The following CCDC60 variants were observed in gnomAD, a reference collection of about 807,000 sequenced individuals.
CCDC60 encodes the protein coiled-coil domain-containing protein 60.
In CCDC60, 54 loss-of-function variants were observed where a neutral mutation model predicts 63.5. The observed-to-expected ratio is 0.85, with a 90% CI of 0.68 to 1.07. The LOEUF is 1.07. CCDC60 is among the 50% of genes least tolerant of loss of function. CCDC60 has a pLI of 0.00. For missense variants in CCDC60, 651 were observed against 684.3 expected, an observed-to-expected ratio of 0.95 and a Z score of 0.54; for synonymous variants, 206 against 238.8, an observed-to-expected ratio of 0.86 and a Z score of 1.27.
chr12:119,471,842 T>C (rs887855630), intron 2 of CCDC60, 152 bp from the exon 3 acceptor site: 4 of 509,442 alleles, frequency 7.9e-6, no homozygotes, highest in African/African-American at 5.8e-5. Context: ...CTCACTCTCT[T>C]TCTCTATTTC....
intron 1 of CCDC60, among the ~76,000 whole-genome samples, chr12:119,416,121 C>T (rs376406739): frequency 1.3e-5 from 2 of 152,138 alleles, no homozygotes; most frequent in East Asian, 3.8e-4. Context: ...GTGGTTCACG[C>T]CTGTAATCCC....
At chr12:119,442,149 G>A (rs1000240266) in intron 2 of CCDC60, among the ~76,000 whole-genome samples, 15 of 152,034 alleles carry the variant, frequency 9.9e-5, no homozygotes, top group African/African-American at 2.4e-4. Context: ...ATGGATCCAC[G>A]TGTATTTTTT....
At chr12:119,338,986 C>T (rs1955503835) in intron 1 of CCDC60, among the ~76,000 whole-genome samples, 1 of 152,158 alleles carries the variant, frequency 6.6e-6, no homozygotes, top group Admixed American at 6.5e-5. Context: ...CTTGTACAGG[C>T]TCTTCATGGT....
At chr12:119,531,975 G>A (rs1952854860) in intron 13 of CCDC60, among the ~76,000 whole-genome samples, 1 of 152,188 alleles carries the variant, frequency 6.6e-6, no homozygotes, top group African/African-American at 2.4e-5. Flanking sequence ...GTAAAGAAGT[G>A]ACTCAAAAGG....
chr12:119,396,086 C>T (rs1956248767), intron 1 of CCDC60, among the ~76,000 whole-genome samples: 1 of 152,026 alleles, frequency 6.6e-6, no homozygotes, highest in African/African-American at 2.4e-5. Context: ...TACAGGCGCC[C>T]ACCACCTCGC....
chr12:119,499,524 T>G (rs1466853799), intron 5 of CCDC60, among the ~76,000 whole-genome samples: 1 of 152,146 alleles, frequency 6.6e-6, no homozygotes, highest in Non-Finnish European at 1.5e-5. Flanking sequence ...TTATAGTGAT[T>G]GAGATGATAC....
At position 119,346,886 on chromosome 12, in the gene CCDC60, G is replaced by C. The variant is rs926753523; in HGVS notation, c.90+11620G>C. Reference sequence around the variant, plus strand: ...GTCACCGAGGCTGGAGAGCAATGGCGTGATCTGGGCTCACTGCAGCCTCTG... The same window carrying C: ...GTCACCGAGGCTGGAGAGCAATGGCCTGATCTGGGCTCACTGCAGCCTCTG... On this transcript the variant is annotated intron_variant, in intron 1 of 13. Coordinates refer to ENST00000327554, the MANE Select transcript of CCDC60 (RefSeq NM_178499.5). Among the ~76,000 whole-genome samples, 4 of 149,466 alleles carry C rather than the reference G, an allele frequency of 2.7e-5. No individual in the cohort carries two copies. The South Asian group carries it at 8.4e-4, about 32-fold the overall frequency.
chr12:119,355,905 T>C (rs1051215875), intron 1 of CCDC60, among the ~76,000 whole-genome samples: 2 of 152,212 alleles, frequency 1.3e-5, no homozygotes, highest in Admixed American at 6.5e-5. Flanking sequence ...TGCTGGTGGA[T>C]GTGGCTCAGA....
chr12:119,514,466 G>T (rs1310770234), intron 7 of CCDC60, among the ~76,000 whole-genome samples: 3 of 151,568 alleles, frequency 2.0e-5, no homozygotes, highest in Admixed American at 2.0e-4. Context: ...TGGGATTACA[G>T]GCATGAGCCA....
At chr12:119,523,947 A>C in intron 11 of CCDC60, 129 bp downstream of exon 11, 5 of 944,284 alleles carry the variant, frequency 5.3e-6, no homozygotes, top group Non-Finnish European at 6.2e-6. Flanking sequence ...CAGGGAGCTC[A>C]CAGTCTTCTG....
chr12:119,480,472 G>A (rs1951278862), intron 4 of CCDC60, among the ~76,000 whole-genome samples: 1 of 152,186 alleles, frequency 6.6e-6, no homozygotes, highest in Non-Finnish European at 1.5e-5. Flanking sequence ...GAATACAAGA[G>A]TGAAATCATA....
At chr12:119,414,395 G>A (rs1956662729) in intron 1 of CCDC60, among the ~76,000 whole-genome samples, 1 of 152,038 alleles carries the variant, frequency 6.6e-6, no homozygotes, top group Non-Finnish European at 1.5e-5. Context: ...TTCCTTCTCA[G>A]CAAACCCTTC....
At chr12:119,461,061 G>A (rs1950848272) in intron 2 of CCDC60, among the ~76,000 whole-genome samples, 1 of 151,980 alleles carries the variant, frequency 6.6e-6, no homozygotes, top group Non-Finnish European at 1.5e-5. Flanking sequence ...ACTGTCTTCC[G>A]ATCTCTGCTT....
chr12:119,437,192 G>A (rs899568335), intron 2 of CCDC60, among the ~76,000 whole-genome samples: 5 of 152,146 alleles, frequency 3.3e-5, no homozygotes, highest in Non-Finnish European at 7.4e-5. Context: ...TGGCTGGCAG[G>A]TAGGGTGAGC....
intron 1 of CCDC60, among the ~76,000 whole-genome samples, chr12:119,405,129 CTGCAGCCTT>C (rs1956463544): frequency 1.3e-5 from 2 of 152,208 alleles, no homozygotes; most frequent in Admixed American, 6.5e-5. Context: ...AGGCTGCAAA[CTGCAGCCTT>C]CTCCTGTCTC....
chr12:119,516,240 A>C (rs1327175470), intron 7 of CCDC60, among the ~76,000 whole-genome samples: 1 of 152,066 alleles, frequency 6.6e-6, no homozygotes, highest in Non-Finnish European at 1.5e-5. Flanking sequence ...TGAGAAGCTG[A>C]AATTACAGAC....
chr12:119,359,189 AATGCCTAAT>A (rs1223964625), intron 1 of CCDC60, among the ~76,000 whole-genome samples: 1 of 152,222 alleles, frequency 6.6e-6, no homozygotes, highest in African/African-American at 2.4e-5. Context: ...GCATTTCCTT[AATGCCTAAT>A]GAGGTTGAGC....
At chr12:119,346,998 T>C (rs1056278526) in intron 1 of CCDC60, among the ~76,000 whole-genome samples, 18 of 152,022 alleles carry the variant, frequency 1.2e-4, no homozygotes, top group African/African-American at 4.3e-4. Context: ...CTAACTTTTG[T>C]ATTTTTAATA....
intron 1 of CCDC60, among the ~76,000 whole-genome samples, chr12:119,336,010 C>G (rs528714569): frequency 2.0e-5 from 3 of 147,022 alleles, no homozygotes; most frequent in Non-Finnish European, 3.0e-5. Flanking sequence ...AACCAAACAC[C>G]GCATATTCTC....
Sources: gnomAD v4.1 joint callset for allele counts (sites outside exome capture counted in the v4.1 genomes callset) on GRCh38, gnomAD v4.1.1 for gene constraint, MANE v1.5 for transcripts, NCBI Gene and HGNC (gene_info 2026-07-23, HGNC 2026-07-21) for gene names.